PDE8B: variants seen among roughly 807,000 people sequenced by gnomAD.
PDE8B encodes the protein high affinity cAMP-specific and IBMX-insensitive 3',5'-cyclic phosphodiesterase 8B.
Under a neutral mutation model 101.3 loss-of-function variants are expected in PDE8B, and 26 were observed. The observed-to-expected ratio is 0.26, with a 90% CI of 0.19 to 0.36. PDE8B has a LOEUF of 0.36. PDE8B is among the 10% of genes least tolerant of loss of function. The probability of loss-of-function intolerance (pLI) is 1.00; values close to 1 mark genes in which losing one functional copy is unlikely to be tolerated. For missense variants in PDE8B, 810 were observed against 1,163.1 expected, an observed-to-expected ratio of 0.70 and a Z score of 4.42; for synonymous variants, 424 against 429.3, an observed-to-expected ratio of 0.99 and a Z score of 0.15.
chr5:77,220,210 C>A (rs970951459), intron 1 of PDE8B, among the ~76,000 whole-genome samples: 42 of 152,148 alleles, frequency 2.8e-4, no homozygotes, highest in Middle Eastern at 3.2e-3. Context: ...TCTCTGACAC[C>A]CAGGCTGTTC....
intron 3 of PDE8B, among the ~76,000 whole-genome samples, chr5:77,328,219 T>G (rs943151640): frequency 3.9e-5 from 6 of 152,202 alleles, no homozygotes; most frequent in Admixed American, 6.5e-5. Context: ...ATTAAAAGTT[T>G]GTCCAATTTA....
intron 1 of PDE8B, among the ~76,000 whole-genome samples, chr5:77,258,608 T>C (rs1759707059): frequency 6.6e-6 from 1 of 152,178 alleles, no homozygotes; most frequent in Non-Finnish European, 1.5e-5. Context: ...AGGAAACAGA[T>C]ATGTATTCCT....
chr5:77,194,815 C>T, the PDE8B span, among the ~76,000 whole-genome samples: 3 of 151,970 alleles, frequency 2.0e-5, no homozygotes, highest in Non-Finnish European at 4.4e-5. Context: ...ATGGATATAC[C>T]ACATTTTGTG....
intron 20 of PDE8B, among the ~76,000 whole-genome samples, chr5:77,424,995 C>CT (rs770558730): frequency 6.6e-6 from 1 of 152,166 alleles, no homozygotes; most frequent in African/African-American, 2.4e-5. Flanking sequence ...TGGCCTGAAA[C>CT]TTTTTTTAAG....
chr5:77,218,731 A>G (rs778987089), intron 1 of PDE8B, among the ~76,000 whole-genome samples: 10 of 152,146 alleles, frequency 6.6e-5, no homozygotes, highest in Non-Finnish European at 1.5e-4. Context: ...TGTTGTCATT[A>G]TTTTCACTGA....
At chr5:77,118,532 G>A in the PDE8B span, 11 of 396,188 alleles carry the variant, frequency 2.8e-5, no homozygotes, top group Admixed American at 1.8e-4. Context: ...GTATGAAGGA[G>A]TAATTTTTCT....
At chr5:77,297,894 G>A (rs771749159) in intron 1 of PDE8B, among the ~76,000 whole-genome samples, 1 of 152,124 alleles carries the variant, frequency 6.6e-6, no homozygotes, top group East Asian at 1.9e-4. Flanking sequence ...CTGGAAATTT[G>A]CCTGAATCCC....
the PDE8B span, among the ~76,000 whole-genome samples, chr5:77,124,181 C>T: frequency 6.6e-6 from 1 of 151,912 alleles, no homozygotes; most frequent in African/African-American, 2.4e-5. Flanking sequence ...AATTAATAGA[C>T]ATATGAAGAA....
At chr5:77,245,138 C>G (rs1026042103) in intron 1 of PDE8B, among the ~76,000 whole-genome samples, 1 of 152,104 alleles carries the variant, frequency 6.6e-6, no homozygotes, top group African/African-American at 2.4e-5. Flanking sequence ...TGAGCTATGT[C>G]TAAGATAGGT....
intron 7 of PDE8B, 95 bp downstream of exon 7, chr5:77,345,026 G>T (rs1779898109): frequency 1.2e-6 from 1 of 803,266 alleles, no homozygotes. Flanking sequence ...TCATCCTCAT[G>T]TATCAGCACA....
intron 10 of PDE8B, among the ~76,000 whole-genome samples, chr5:77,391,722 C>G (rs141225257): frequency 6.6e-6 from 1 of 152,190 alleles, no homozygotes; most frequent in East Asian, 1.9e-4. Flanking sequence ...ACGAGCCAAT[C>G]GGCTGGCCCG....
intron 2 of PDE8B, among the ~76,000 whole-genome samples, chr5:77,315,031 A>T (rs1773503352): frequency 6.6e-6 from 1 of 152,078 alleles, no homozygotes; most frequent in Admixed American, 6.5e-5. Context: ...GTTAATTTTT[A>T]AAAGTTATTG....
chr5:77,191,739 A>C, the PDE8B span, among the ~76,000 whole-genome samples: 2 of 152,148 alleles, frequency 1.3e-5, no homozygotes, highest in Non-Finnish European at 2.9e-5. Flanking sequence ...CACAGATCGA[A>C]GGTGGGGATT....
rs558600157 is a variant in PDE8B, at chr5:77,386,209, T to C, written c.1168-14039T>C. 1.6e-4 allele frequency among the ~76,000 whole-genome samples: 24 copies of C among 152,334 alleles called. No individual in the cohort carries two copies. In the East Asian group the frequency reaches 2.3e-3, roughly 15 times the overall value. Reference sequence around the variant, plus strand: ...GTTTTACTTCCAATTATGTGGTCAATTTTGGAATAAGTGTGATGTGGTGCT... The same window carrying C: ...GTTTTACTTCCAATTATGTGGTCAACTTTGGAATAAGTGTGATGTGGTGCT... On this transcript the variant is annotated intron_variant, in intron 10 of 21. Transcript: ENST00000264917.
At chr5:77,129,574 G>A in the PDE8B span, among the ~76,000 whole-genome samples, 1 of 152,218 alleles carries the variant, frequency 6.6e-6, no homozygotes, top group Non-Finnish European at 1.5e-5. Flanking sequence ...GCCGGGGCCA[G>A]GCATGAGGCA....
chr5:77,182,932 T>C, the PDE8B span, among the ~76,000 whole-genome samples: 2 of 151,902 alleles, frequency 1.3e-5, no homozygotes, highest in African/African-American at 4.8e-5. Context: ...TTTTACTAGA[T>C]AATTATTATA....
chr5:77,316,722 A>G (rs1773841244), intron 2 of PDE8B, among the ~76,000 whole-genome samples: 1 of 152,194 alleles, frequency 6.6e-6, no homozygotes, highest in Non-Finnish European at 1.5e-5. Context: ...ATATTAAAAC[A>G]TACAAAAATA....
chr5:77,145,224 T>C, the PDE8B span: 1 of 152,044 alleles, frequency 6.6e-6, no homozygotes, highest in Non-Finnish European at 1.5e-5. Context: ...TGATGAAATA[T>C]AGCTAAAAAG....
At chr5:77,346,845 G>T (rs1274640174) in intron 7 of PDE8B, among the ~76,000 whole-genome samples, 1 of 152,218 alleles carries the variant, frequency 6.6e-6, no homozygotes, top group Non-Finnish European at 1.5e-5. Context: ...GATGTTATAT[G>T]TATGGTGAAA....
Sources: gnomAD v4.1 joint callset for allele counts (sites outside exome capture counted in the v4.1 genomes callset) on GRCh38, gnomAD v4.1.1 for gene constraint, MANE v1.5 for transcripts, NCBI Gene and HGNC (gene_info 2026-07-23, HGNC 2026-07-21) for gene names.